Variants in ADAM22 observed in about 807,000 individuals in gnomAD.
The protein encoded by ADAM22 is disintegrin and metalloproteinase domain-containing protein 22.
ADAM22 carries 65 observed loss-of-function variants against 144.6 expected under a neutral mutation model. The ratio of observed to expected loss-of-function variants is 0.45; its 90% CI spans 0.37 to 0.55. ADAM22 has a LOEUF of 0.55. Among genes scored for constraint, ADAM22 ranks in the 20% least tolerant of loss-of-function variants. The pLI is 0.00. For synonymous variants in ADAM22, 391 were observed against 412.6 expected (o/e 0.95, Z 0.63); for missense variants, 974 against 1,184.9 (o/e 0.82, Z 2.61).
intron 29 of ADAM22, 115 bp from the exon 30 acceptor site, chr7:88,186,471 ATAATCACCCAACATCCATTCTGGTTTATT>A (rs1398559337): frequency 7.0e-6 from 5 of 710,224 alleles, no homozygotes; most frequent in Non-Finnish European, 1.3e-5. Context: ...AGACTGCCTC[ATAATCACCCAACATCCATTCTGGTTTATT>A]TGCCATGGTC....
intron 3 of ADAM22, among the ~76,000 whole-genome samples, chr7:87,989,984 TA>T (rs1393962802): frequency 6.6e-6 from 1 of 152,168 alleles, no homozygotes; most frequent in Non-Finnish European, 1.5e-5. Context: ...GTTACTTGAG[TA>T]ACTTGAAGCT....
intron 17 of ADAM22, among the ~76,000 whole-genome samples, chr7:88,146,606 C>T (rs995565158): frequency 6.6e-6 from 1 of 152,222 alleles, no homozygotes; most frequent in Non-Finnish European, 1.5e-5. Flanking sequence ...CCAAATGTTC[C>T]CTTGTGGGTA....
At chr7:88,010,220 G>A (rs1166967200) in intron 3 of ADAM22, among the ~76,000 whole-genome samples, 3 of 152,102 alleles carry the variant, frequency 2.0e-5, no homozygotes, top group Admixed American at 2.0e-4. Flanking sequence ...GCTATAAGGT[G>A]CCAGAACTGA....
chr7:88,136,132 G>A lies in ADAM22; in HGVS notation c.1220+101G>A, dbSNP rs1832936933. On this transcript the variant is annotated intron_variant, in intron 14 of 31. Transcript: ENST00000413139. ...TCAATAACTTAGTGCATGGAATCTAGCACTTATAAAATATTTTTGCAAAAT... is the reference window on the plus strand; with the variant it reads ...TCAATAACTTAGTGCATGGAATCTAACACTTATAAAATATTTTTGCAAAAT... 4.1e-6 allele frequency: 4 copies of A among 986,648 alleles called. No individual in the cohort carries two copies. In the South Asian group the frequency reaches 7.2e-5, roughly 18 times the overall value. The allele number at this position is 986,648 out of a possible 1,614,324, so 61.1% of individuals were successfully genotyped here.
chr7:87,985,201 T>C (rs1421694531), intron 3 of ADAM22, among the ~76,000 whole-genome samples: 1 of 151,292 alleles, frequency 6.6e-6, no homozygotes, highest in Admixed American at 6.6e-5. Context: ...TAGTCCCGGT[T>C]ACTCGGGAGG....
chr7:88,053,766 A>G (rs568536106), intron 3 of ADAM22, among the ~76,000 whole-genome samples: 1 of 152,250 alleles, frequency 6.6e-6, no homozygotes, highest in African/African-American at 2.4e-5. Flanking sequence ...CATTTGATGG[A>G]TTTACCATAA....
rs375668521 is a variant in ADAM22 at position 88,193,209 on chromosome 7, G to C, written c.2844G>C (p.Glu948Asp). 4 of 1,613,888 alleles carry C rather than the reference G, an allele frequency of 2.5e-6. No homozygotes were observed. In the African/African-American group the frequency reaches 5.3e-5, roughly 22 times the overall value. Residue 948 changes from glutamate to aspartate, a missense_variant, in exon 31 of 32, where the codon GAG (glutamate) becomes GAC (aspartate). Glu to Asp is a conservative substitution (Grantham distance 45, BLOSUM62 2). Transcript: ENST00000413139. ...YPYPMPPLPD[E>D]DKKVNRQSAR... is the part of the protein sequence containing the mutation. ...ACCCAATGCCTCCACTTCCTGATGA[G>C]GACAAGAAAGTGAACCGACAAAGTG...
intron 5 of ADAM22, among the ~76,000 whole-genome samples, chr7:88,111,004 G>A (rs1825901758): frequency 6.7e-6 from 1 of 148,528 alleles, no homozygotes; most frequent in African/African-American, 2.5e-5. Context: ...GCCTCCCAAA[G>A]TGCTGAGATT....
chr7:87,983,566 G>T (rs546587450), intron 3 of ADAM22, among the ~76,000 whole-genome samples: 1 of 152,182 alleles, frequency 6.6e-6, no homozygotes, highest in East Asian at 1.9e-4. Flanking sequence ...AGGTTTGAAT[G>T]TAACATTCTA....
chr7:88,130,362 C>G (rs368076413), intron 9 of ADAM22, 26 bp from the exon 10 acceptor site: 138 of 1,595,926 alleles, frequency 8.6e-5, no homozygotes, highest in Non-Finnish European at 1.1e-4. Flanking sequence ...TTTGCAAGAC[C>G]TTCACTTGTT....
intron 4 of ADAM22, among the ~76,000 whole-genome samples, chr7:88,100,063 G>A (rs79663854): frequency 2.0e-5 from 3 of 152,050 alleles, no homozygotes; most frequent in African/African-American, 7.2e-5. Context: ...CAGTTACTTG[G>A]TTTTGACAAA....
At chr7:88,193,805 T>C (rs1221310990) in intron 31 of ADAM22, among the ~76,000 whole-genome samples, 1 of 152,260 alleles carries the variant, frequency 6.6e-6, no homozygotes, top group Non-Finnish European at 1.5e-5. Context: ...TTAGACTCTT[T>C]GGTCTTCAGA....
At position 87,997,681 on chromosome 7, in the gene ADAM22, C is replaced by T. The variant is rs116112086; in HGVS notation, c.323+19269C>T. Among the ~76,000 whole-genome samples the T allele has an allele frequency of 5.8e-3, 878 of 152,356 alleles. 12 individuals carry two copies. The highest frequency in any genetic ancestry group is 0.045 in the East Asian group (233 of 5,180). On this transcript the variant is annotated intron_variant, in intron 3 of 31. Transcript: ENST00000413139. ...CTCCACTTTCAAAGGCAACAGTGGT[C>T]AGTCAGGTCCTTCACAGGCTTTGAA...
Position 88,108,245 on chromosome 7 carries a change from T to G in ADAM22, c.460T>G (p.Cys154Gly). The G allele has an allele frequency of 6.2e-7, 1 of 1,613,568 alleles. No homozygotes were observed. The highest frequency in any genetic ancestry group is 8.5e-7 in the Non-Finnish European group (1 of 1,179,778). Reference protein sequence around the residue: ...NPDSFVALSTCHGLHGMFYDG... With the variant: ...NPDSFVALSTGHGLHGMFYDG... ...TGACTCATTTGTTGCATTGTCAACATGCCACGGACTTCAGTAAGTGTTCAA... is the reference window on the plus strand; with the variant it reads ...TGACTCATTTGTTGCATTGTCAACAGGCCACGGACTTCAGTAAGTGTTCAA... Residue 154 changes from cysteine to glycine, a missense_variant, in exon 5 of 32, where the codon TGC (cysteine) becomes GGC (glycine). Cys to Gly is a radical substitution (Grantham distance 159). Transcript: ENST00000413139.
chr7:88,039,019 G>A (rs889552101), intron 3 of ADAM22, among the ~76,000 whole-genome samples: 6 of 152,014 alleles, frequency 3.9e-5, no homozygotes, highest in African/African-American at 1.4e-4. Context: ...GGGCTCAAGC[G>A]ATCCTCCTGT....
chr7:88,145,996 A>G (rs1413052047), intron 17 of ADAM22, among the ~76,000 whole-genome samples: 7 of 152,094 alleles, frequency 4.6e-5, no homozygotes, highest in Admixed American at 4.6e-4. Context: ...TACCATGCAT[A>G]TATTATTGGT....
chr7:88,148,838 T>A (rs1309547466), intron 17 of ADAM22, 139 bp from the exon 18 acceptor site: 9 of 593,112 alleles, frequency 1.5e-5, no homozygotes, highest in Non-Finnish European at 2.6e-5. Context: ...TTTCAGTAAC[T>A]GTGGTTTTGA....
At chr7:88,019,070 CAAA>C (rs3216246) in intron 3 of ADAM22, among the ~76,000 whole-genome samples, 1 of 142,198 alleles carries the variant, frequency 7.0e-6, no homozygotes, top group Admixed American at 7.0e-5. Flanking sequence ...ACTACTAAAC[CAAA>C]AAAAAAAAAG....
rs752393471 is a variant in ADAM22 at position 88,196,498 on chromosome 7, C to G, written c.*7C>G. 1.9e-6 allele frequency: 3 copies of G among 1,613,928 alleles called. No individual in the cohort carries two copies. Among genetic ancestry groups the G allele is most frequent in the Non-Finnish European group, 2.5e-6 (3 of 1,179,970 alleles). On this transcript the variant is annotated 3_prime_UTR_variant, in exon 32 of 32. Transcript: ENST00000413139. Reference sequence around the variant, plus strand: ...ATGGGAGACATCCATTTAAGATCAACTGTTTACATGTGATACATCGAAAAC... The same window carrying G: ...ATGGGAGACATCCATTTAAGATCAAGTGTTTACATGTGATACATCGAAAAC...
Sources: allele counts gnomAD v4.1 joint callset (sites outside exome capture counted in the v4.1 genomes callset), GRCh38; gene constraint gnomAD v4.1.1; transcripts MANE v1.5; gene names NCBI Gene and HGNC (gene_info 2026-07-23, HGNC 2026-07-21).